Variants in GPR158 observed in about 807,000 individuals in gnomAD.
GPR158 encodes G protein-coupled receptor 158.
A neutral mutation model predicts 78.2 loss-of-function variants in GPR158; 30 were observed. That is an observed-to-expected ratio of 0.38 (90% CI 0.29 to 0.52). The LOEUF is 0.52. Among genes scored for constraint, GPR158 ranks in the 20% least tolerant of loss-of-function variants. The pLI is 0.83. For missense variants in GPR158, 1,463 were observed against 1,523.5 expected, an observed-to-expected ratio of 0.96 and a Z score of 0.66; for synonymous variants, 581 against 591.1, an observed-to-expected ratio of 0.98 and a Z score of 0.25.
chr10:25,211,336 G>A (rs1170160937), intron 1 of GPR158, among the ~76,000 whole-genome samples: 2 of 152,122 alleles, frequency 1.3e-5, no homozygotes, highest in Non-Finnish European at 1.5e-5. Context: ...ATGATTAGAA[G>A]TTTATTTGAC....
At chr10:25,521,213 C>T (rs1179319062) in intron 5 of GPR158, among the ~76,000 whole-genome samples, 1 of 152,234 alleles carries the variant, frequency 6.6e-6, no homozygotes, top group Non-Finnish European at 1.5e-5. Flanking sequence ...ATGCCTCGCC[C>T]TGCTTCGGCT....
intron 1 of GPR158, among the ~76,000 whole-genome samples, chr10:25,187,111 C>T (rs1000141888): frequency 6.6e-6 from 1 of 151,916 alleles, no homozygotes; most frequent in South Asian, 2.1e-4. Context: ...ACTACAGGCG[C>T]CCGCCATCAC....
intron 1 of GPR158, among the ~76,000 whole-genome samples, chr10:25,213,896 T>C (rs1250684836): frequency 1.3e-5 from 2 of 152,224 alleles, no homozygotes; most frequent in Admixed American, 1.3e-4. Context: ...CTAATACTGC[T>C]TTTTAAACAT....
chr10:25,494,004 CAAGT>C (rs1420854503), intron 5 of GPR158, among the ~76,000 whole-genome samples: 1 of 152,038 alleles, frequency 6.6e-6, no homozygotes, highest in Non-Finnish European at 1.5e-5. Context: ...AACACAAAAG[CAAGT>C]ATCATCTGAT....
Position 25,598,520 on chromosome 10 carries a change from A to G in GPR158, c.2894A>G (p.Glu965Gly). The G allele has an allele frequency of 6.2e-7, 1 of 1,613,984 alleles. No individual in the cohort carries two copies. Among genetic ancestry groups the G allele is most frequent in the Non-Finnish European group, 8.5e-7 (1 of 1,180,002 alleles). Reference sequence around the variant, plus strand: ...GCCCCCCAAAACTCAAATCCTGCGGAGGAGCCAAGAAAGCCTCAGAAATCT... The same window carrying G: ...GCCCCCCAAAACTCAAATCCTGCGGGGGAGCCAAGAAAGCCTCAGAAATCT... ...DPAPQNSNPA[E>G]EPRKPQKSGI... Residue 965 changes from glutamate to glycine, a missense_variant, in exon 11 of 11, where the codon GAG becomes GGG. Coordinates refer to ENST00000376351, the MANE Select transcript of GPR158 (RefSeq NM_020752.3).
At chr10:25,439,221 G>C (rs1030678950) in intron 4 of GPR158, among the ~76,000 whole-genome samples, 4 of 152,262 alleles carry the variant, frequency 2.6e-5, no homozygotes, top group East Asian at 1.9e-4. Flanking sequence ...TCACAATCAT[G>C]GTGGAAGGTG....
intron 5 of GPR158, among the ~76,000 whole-genome samples, chr10:25,471,322 T>C (rs879539908): frequency 3.3e-5 from 5 of 152,200 alleles, no homozygotes; most frequent in Non-Finnish European, 5.9e-5. Context: ...TATTCCATGG[T>C]GTATATGTGC....
At chr10:25,300,066 G>C (rs1026903728) in intron 2 of GPR158, among the ~76,000 whole-genome samples, 1 of 152,054 alleles carries the variant, frequency 6.6e-6, no homozygotes, top group African/African-American at 2.4e-5. Context: ...CCCTATATCA[G>C]TTTTCTATTG....
intron 2 of GPR158, among the ~76,000 whole-genome samples, chr10:25,254,305 A>G (rs1853863747): frequency 1.3e-5 from 2 of 152,240 alleles, no homozygotes; most frequent in Admixed American, 1.3e-4. Flanking sequence ...CAGGACAAAT[A>G]GATTTGCAAA....
intron 2 of GPR158, among the ~76,000 whole-genome samples, chr10:25,362,117 T>G (rs35931763): frequency 6.6e-6 from 1 of 151,888 alleles, no homozygotes; most frequent in Non-Finnish European, 1.5e-5. Context: ...TTTAGATCTT[T>G]AATTATTTTG....
At chr10:25,274,088 A>G (rs1854152376) in intron 2 of GPR158, among the ~76,000 whole-genome samples, 1 of 152,106 alleles carries the variant, frequency 6.6e-6, no homozygotes, top group Non-Finnish European at 1.5e-5. Flanking sequence ...TGCAATTGGG[A>G]TATTTTTCTT....
chr10:25,506,457 A>C (rs1036881183), intron 5 of GPR158, among the ~76,000 whole-genome samples: 1 of 152,228 alleles, frequency 6.6e-6, no homozygotes, highest in Non-Finnish European at 1.5e-5. Context: ...AAGCATATGA[A>C]AATATAAGTA....
rs558110959 is a variant in GPR158 at position 25,473,119 on chromosome 10, G to A, written c.1404+6400G>A. Among the ~76,000 whole-genome samples, 397 of 151,976 alleles carry A rather than the reference G, an allele frequency of 2.6e-3. 1 individual carries two copies. The highest frequency in any genetic ancestry group is 4.0e-3 in the Non-Finnish European group (274 of 67,976). On this transcript the variant is annotated intron_variant, in intron 5 of 10. Coordinates refer to ENST00000376351, the MANE Select transcript of GPR158 (RefSeq NM_020752.3). Reference sequence around the variant, plus strand: ...TCATAGATAGCTCTTATTATTTTGAGATACGTCCCATCAATACCTAATTTA... The same window carrying A: ...TCATAGATAGCTCTTATTATTTTGAAATACGTCCCATCAATACCTAATTTA...
Position 25,441,282 on chromosome 10 carries a change from A to T in GPR158, c.1336-25369A>T, listed in dbSNP as rs1218031918. On this transcript the variant is annotated intron_variant, in intron 4 of 10. Coordinates refer to ENST00000376351, the MANE Select transcript of GPR158 (RefSeq NM_020752.3). ...CCTGCTTCTATTTAAAGGTAGCTCT[A>T]TACCCAAATTCAGTTAGCAATTAGC... 2.6e-5 allele frequency among the ~76,000 whole-genome samples: 4 copies of T among 152,282 alleles called. No homozygotes were observed. In the South Asian group the frequency reaches 6.2e-4, roughly 24 times the overall value.
intron 6 of GPR158, among the ~76,000 whole-genome samples, chr10:25,569,948 T>C (rs1017816631): frequency 2.6e-5 from 4 of 152,216 alleles, no homozygotes; most frequent in Non-Finnish European, 5.9e-5. Flanking sequence ...TTCGTTATAT[T>C]TAAAATGTTT....
intron 5 of GPR158, among the ~76,000 whole-genome samples, chr10:25,474,321 A>G (rs1232047158): frequency 2.0e-5 from 3 of 152,086 alleles, no homozygotes; most frequent in South Asian, 2.1e-4. Context: ...TTACGACACT[A>G]TTTATAGTGG....
At chr10:25,449,598 G>A (rs1313596683) in intron 4 of GPR158, among the ~76,000 whole-genome samples, 4 of 152,178 alleles carry the variant, frequency 2.6e-5, no homozygotes, top group Admixed American at 2.0e-4. Flanking sequence ...AGGGGTAGGA[G>A]GTGGGTACTG....
At chr10:25,580,348 C>T (rs1837172150) in intron 7 of GPR158, among the ~76,000 whole-genome samples, 1 of 152,078 alleles carries the variant, frequency 6.6e-6, no homozygotes, top group African/African-American at 2.4e-5. Context: ...TTGTTCTTGT[C>T]TTTCCTGGTA....
At chr10:25,183,003 T>C (rs12265296) in intron 1 of GPR158, among the ~76,000 whole-genome samples, 7,377 of 152,308 alleles carry the variant, frequency 0.048, 529 homozygotes, top group African/African-American at 0.15. Flanking sequence ...AGCAGCGTTG[T>C]GAAGCTTTTC....
Sources: gnomAD v4.1 joint callset for allele counts (sites outside exome capture counted in the v4.1 genomes callset) on GRCh38, gnomAD v4.1.1 for gene constraint, MANE v1.5 for transcripts, NCBI Gene and HGNC (gene_info 2026-07-23, HGNC 2026-07-21) for gene names.